EPHX2: variants seen among roughly 807,000 people sequenced by gnomAD.
The protein encoded by EPHX2 is epoxide hydrolase 2, also known as bifunctional epoxide hydrolase 2.
EPHX2 carries 74 observed loss-of-function variants against 78.7 expected under a neutral mutation model. The ratio of observed to expected loss-of-function variants is 0.94; its 90% CI spans 0.78 to 1.14. EPHX2 has a LOEUF of 1.14. EPHX2 is among the 50% of genes most tolerant of loss of function. The pLI is 0.00. For synonymous variants in EPHX2, 251 were observed against 255.2 expected (o/e 0.98, Z 0.16); for missense variants, 715 against 702.5 (o/e 1.02, Z -0.20).
chr8:27,501,378 CTTCTTCTTCTTCTTCT>C (rs1441580448), intron 2 of EPHX2, among the ~76,000 whole-genome samples: 14 of 111,344 alleles, frequency 1.3e-4, no homozygotes, highest in African/African-American at 2.3e-4. Context: ...TCTTCTTCTT[CTTCTTCTTCTTCTTCT>C]TTCTTCTTTC....
In EPHX2 at chr8:27,522,428, C is replaced by T. The variant is rs371191295; in HGVS notation, c.978C>T (p.Leu326=). Residue 326 remains leucine, a synonymous_variant, in exon 11 of 19, where the codon CTC becomes CTT. Transcript: ENST00000521400. ...CCTTCTTTTTCCTTCTCTAGGGCCT[C>T]TCTCAAGCAGTGTTCATTGGCCATG... ...EMVTFLDKLG[L]SQAVFIGHDW... 8.1e-6 allele frequency: 13 copies of T among 1,613,898 alleles called. No individual in the cohort carries two copies. Among genetic ancestry groups the T allele is most frequent in the Non-Finnish European group, 1.1e-5 (13 of 1,179,926 alleles).
At position 27,506,743 on chromosome 8, in the gene EPHX2, A is replaced by G. The variant is rs1293916661; in HGVS notation, c.538-129A>G. The G allele has an allele frequency of 7.6e-6, 10 of 1,322,166 alleles. No individual in the cohort carries two copies. In the East Asian group the frequency reaches 2.1e-4, roughly 28 times the overall value. 81.9% of individuals were successfully genotyped at this position (1,322,166 alleles called of 1,614,324 possible). On this transcript the variant is annotated intron_variant, in intron 4 of 18. Coordinates refer to ENST00000521400, the MANE Select transcript of EPHX2 (RefSeq NM_001979.6). The stretch of plus-strand genomic sequence containing the variant: ...TTTCATGCGTATGTTGTGTAATTAA[A>G]TGCTTTCCATTTTAGCAGTAGATGG...
At chr8:27,529,347 C>T (rs1000137694) in intron 12 of EPHX2, among the ~76,000 whole-genome samples, 20 of 152,280 alleles carry the variant, frequency 1.3e-4, no homozygotes, top group Non-Finnish European at 2.6e-4. Flanking sequence ...CCAGTGGAAT[C>T]GGCTGGGTCA....
At position 27,544,808 on chromosome 8, in the gene EPHX2, G is replaced by A. The variant is rs913722693; in HGVS notation, c.*286G>A. The stretch of plus-strand genomic sequence containing the variant: ...TAGGGGGACAGAATGGGGTGGCCAG[G>A]TGGTGATTTCTCTTTGACCAATGCA... On this transcript the variant is annotated 3_prime_UTR_variant, in exon 19 of 19. Transcript: ENST00000521400. The A allele has an allele frequency of 4.8e-6, 2 of 414,562 alleles. No homozygotes were observed. The highest frequency in any genetic ancestry group is 4.3e-6 in the Non-Finnish European group (1 of 232,002). The allele number at this position is 414,562 out of a possible 1,614,324, so 25.7% of individuals were successfully genotyped here.
intron 5 of EPHX2, among the ~76,000 whole-genome samples, chr8:27,508,986 T>A (rs1814130736): frequency 7.2e-6 from 1 of 139,406 alleles, no homozygotes; most frequent in African/African-American, 2.7e-5. Flanking sequence ...TAGGGCTGTG[T>A]CTTATATAGC....
At chr8:27,502,583 G>C (rs1813840834) in intron 2 of EPHX2, among the ~76,000 whole-genome samples, 1 of 152,196 alleles carries the variant, frequency 6.6e-6, no homozygotes, top group Admixed American at 6.5e-5. Flanking sequence ...GGCAGGTTCA[G>C]TGTCTGGTGA....
chr8:27,521,348 TGC>T lies in EPHX2; in HGVS notation c.972+442_972+443del, dbSNP rs1814640911. ...CAAATCAGCAGTGGTGAGCTGAGAA[TGC>T]GCTTTTGCAGAGTACACTTCCCACT... On this transcript the variant is annotated intron_variant, in intron 10 of 18. Transcript: ENST00000521400. 2.0e-5 allele frequency among the ~76,000 whole-genome samples: 3 copies of T among 152,198 alleles called. No homozygotes were observed. In the South Asian group the frequency reaches 6.2e-4, roughly 32 times the overall value.
rs1335675947 is a variant in EPHX2, at chr8:27,544,236, G to A, written c.1581G>A (p.Gln527=). The part of the protein sequence containing the change: ...GHIEDCGHWT[Q]MDKPTEVNQI... ...TTGAGGACTGTGGGCACTGGACACA[G>A]ATGGACAAGTAAGGAGGTTGGGGGC... Residue 527 remains glutamine (Q), a synonymous_variant, in exon 18 of 19, where the codon CAG becomes CAA. Coordinates refer to ENST00000521400, the MANE Select transcript of EPHX2 (RefSeq NM_001979.6). 63 of 1,614,068 alleles carry A rather than the reference G, an allele frequency of 3.9e-5. No homozygotes were observed. Among genetic ancestry groups the A allele is most frequent in the Non-Finnish European group, 5.3e-5 (62 of 1,180,036 alleles).
At chr8:27,531,055 G>C (rs944238666) in intron 12 of EPHX2, among the ~76,000 whole-genome samples, 1 of 152,118 alleles carries the variant, frequency 6.6e-6, no homozygotes, top group Admixed American at 6.5e-5. Flanking sequence ...GAGCCACCAC[G>C]CCCGGCTGTT....
rs1347297721 is a variant in EPHX2, at chr8:27,491,229, C to T, written c.21C>T (p.Val7=). 1.9e-6 allele frequency: 3 copies of T among 1,585,150 alleles called. No individual in the cohort carries two copies. Among genetic ancestry groups the T allele is most frequent in the East Asian group, 4.6e-5 (2 of 43,392 alleles). MTLRAA[V]FDLDGVLALP... is the part of the protein sequence containing the mutation. ...CCGCCATGACGCTGCGCGCGGCCGT[C>T]TTCGACCTTGACGGGGTGCTGGCGC... The change falls in exon 1 of 19, where the codon GTC becomes GTT. Residue 7 remains valine (V), a synonymous_variant. Transcript: ENST00000521400.
intron 1 of EPHX2, among the ~76,000 whole-genome samples, chr8:27,496,058 G>C (rs1411976720): frequency 6.6e-6 from 1 of 152,146 alleles, no homozygotes; most frequent in Non-Finnish European, 1.5e-5. Flanking sequence ...CCCCACAACT[G>C]TTTTAATGTC....
intron 10 of EPHX2, 85 bp downstream of exon 10, chr8:27,520,994 G>A: frequency 6.4e-7 from 1 of 1,574,060 alleles, no homozygotes; most frequent in African/African-American, 1.3e-5. Flanking sequence ...CTCGAGCAGA[G>A]GTGCACGGGC....
intron 14 of EPHX2, among the ~76,000 whole-genome samples, chr8:27,539,455 C>T (rs1249805519): frequency 6.6e-6 from 1 of 152,182 alleles, no homozygotes; most frequent in African/African-American, 2.4e-5. Flanking sequence ...GTAACTTGTC[C>T]GAAGTGGCTG....
intron 9 of EPHX2, among the ~76,000 whole-genome samples, 188 bp downstream of exon 9, chr8:27,518,260 G>A (rs1024668287): frequency 6.6e-6 from 1 of 152,132 alleles, no homozygotes; most frequent in African/African-American, 2.4e-5. Flanking sequence ...TGTGTGTCAG[G>A]TCTTCCTCCA....
intron 15 of EPHX2, 24 bp from the exon 16 acceptor site, chr8:27,541,449 T>C (rs1203337603): frequency 1.9e-6 from 3 of 1,613,694 alleles, no homozygotes; most frequent in Non-Finnish European, 2.5e-6. Context: ...GCCTCCCTCT[T>C]TTTACTTTCT....
At chr8:27,491,372 CT>C in intron 1 of EPHX2, 63 bp downstream of exon 1, 1 of 1,240,140 alleles carries the variant, frequency 8.1e-7, no homozygotes, top group Non-Finnish European at 1.1e-6. Context: ...CCGCGCTGGG[CT>C]TGCAGCCCAG....
At chr8:27,508,699 C>T (rs534753999) in intron 5 of EPHX2, among the ~76,000 whole-genome samples, 51 of 152,272 alleles carry the variant, frequency 3.3e-4, no homozygotes, top group African/African-American at 1.2e-3. Flanking sequence ...ACATCATCCC[C>T]CTTGTATTTT....
chr8:27,515,625 C>T (rs930679675), intron 6 of EPHX2, 93 bp from the exon 7 acceptor site: 1 of 1,030,508 alleles, frequency 9.7e-7, no homozygotes, highest in Admixed American at 2.0e-5. Flanking sequence ...CAGCAACGGA[C>T]TGAAACGGCC....
At chr8:27,498,140 C>A (rs1774185799) in intron 1 of EPHX2, among the ~76,000 whole-genome samples, 3 of 152,204 alleles carry the variant, frequency 2.0e-5, no homozygotes, top group Admixed American at 2.0e-4. Context: ...CTGAAAACTT[C>A]CCCAGGTCTA....
Sources: gnomAD v4.1 joint callset for allele counts (sites outside exome capture counted in the v4.1 genomes callset) on GRCh38, gnomAD v4.1.1 for gene constraint, MANE v1.5 for transcripts, NCBI Gene and HGNC (gene_info 2026-07-23, HGNC 2026-07-21) for gene names.